The following LRRCC1 variants were observed in gnomAD, a reference collection of about 807,000 sequenced individuals.
LRRCC1 encodes leucine-rich repeat and coiled-coil domain-containing protein 1.
LRRCC1 carries 115 observed loss-of-function variants against 126.0 expected under a neutral mutation model. That is an observed-to-expected ratio of 0.91 (90% CI 0.78 to 1.07). The LOEUF (loss-of-function observed/expected upper bound fraction) is 1.07. Among genes scored for constraint, LRRCC1 ranks in the 50% least tolerant of loss-of-function variants. The pLI is 0.00. For missense variants in LRRCC1, 1,172 were observed against 1,175.7 expected, an observed-to-expected ratio of 1.00 and a Z score of 0.05; for synonymous variants, 400 against 393.4, an observed-to-expected ratio of 1.02 and a Z score of -0.20.
Position 85,113,161 on chromosome 8 carries a change from T to G in LRRCC1, c.544+62T>G, listed in dbSNP as rs935920287. The stretch of plus-strand genomic sequence containing the variant: ...AATATTGAGAGCTTCTTTATTTTCC[T>G]GAAATTGGCATTCGTGACCTCATTT... On this transcript the variant is annotated intron_variant, in intron 4 of 18. Coordinates refer to ENST00000360375, the MANE Select transcript of LRRCC1 (RefSeq NM_033402.5). The G allele has an allele frequency of 4.5e-6, 6 of 1,338,116 alleles. No homozygotes were observed. In the Admixed American group the frequency reaches 1.3e-4, roughly 30 times the overall value. 82.9% of individuals were successfully genotyped at this position (1,338,116 alleles called of 1,614,324 possible). A position where few individuals can be genotyped will look rare whatever the true frequency, so the allele number is the denominator to read the frequency against.
intron 12 of LRRCC1, among the ~76,000 whole-genome samples, chr8:85,133,481 G>T (rs575547501): frequency 6.6e-6 from 1 of 152,234 alleles, no homozygotes; most frequent in South Asian, 2.1e-4. Flanking sequence ...CGTTTTGCAA[G>T]AATTTTAAAC....
chr8:85,126,564 TA>T, intron 8 of LRRCC1, 124 bp from the exon 9 acceptor site: 1 of 803,986 alleles, frequency 1.2e-6, no homozygotes, highest in Non-Finnish European at 1.9e-6. Flanking sequence ...AAAAATAAAA[TA>T]AAAAGTTTCA....
At position 85,126,770 on chromosome 8, in the gene LRRCC1, G is replaced by C; in HGVS notation, c.1354G>C (p.Asp452His). The C allele has an allele frequency of 6.2e-7, 1 of 1,612,304 alleles. No individual in the cohort carries two copies. The highest frequency in any genetic ancestry group is 8.5e-7 in the Non-Finnish European group (1 of 1,179,114). ...CGAAAATAAACTCATGGATTATATT[G>C]ATGAGCTGCATAAACATGCAAATGA... Reference protein sequence around the residue: ...QAENKLMDYIDELHKHANEKE... With the variant: ...QAENKLMDYIHELHKHANEKE... The change falls in exon 9 of 19, where the codon GAT becomes CAT. Residue 452 changes from aspartate to histidine, a missense_variant. Physicochemically the swap from Asp to His is moderately conservative, Grantham distance 81. Transcript: ENST00000360375.
At position 85,112,929 on chromosome 8, in the gene LRRCC1, C is replaced by T. The variant is rs771904997; in HGVS notation, c.377-3C>T. Reference sequence around the variant, plus strand: ...CATTTAAAGAATTATGTTCCTATTGCAGGATTGATTCCCCTTCATGGAATT... The same window carrying T: ...CATTTAAAGAATTATGTTCCTATTGTAGGATTGATTCCCCTTCATGGAATT... On this transcript the variant is annotated splice_polypyrimidine_tract_variant and splice_region_variant and intron_variant, in intron 3 of 18. Transcript: ENST00000360375. The T allele has an allele frequency of 4.7e-5, 73 of 1,551,710 alleles. No individual in the cohort carries two copies. Among genetic ancestry groups the T allele is most frequent in the Non-Finnish European group, 6.1e-5 (70 of 1,146,510 alleles).
chr8:85,128,326 A>G (rs1810167704), intron 9 of LRRCC1, among the ~76,000 whole-genome samples: 1 of 152,064 alleles, frequency 6.6e-6, no homozygotes, highest in Non-Finnish European at 1.5e-5. Context: ...CTTTCTTCTT[A>G]CTTAACCTAT....
intron 12 of LRRCC1, among the ~76,000 whole-genome samples, chr8:85,133,271 T>G (rs1810617577): frequency 6.6e-6 from 1 of 152,196 alleles, no homozygotes; most frequent in African/African-American, 2.4e-5. Context: ...ACTCTTTCTT[T>G]GCTTGGTTTC....
intron 17 of LRRCC1, among the ~76,000 whole-genome samples, chr8:85,138,811 G>A (rs1315669954): frequency 1.3e-5 from 2 of 152,134 alleles, no homozygotes; most frequent in East Asian, 3.9e-4. Flanking sequence ...TTGGGAGGCC[G>A]AGGTGGGTGG....
intron 1 of LRRCC1, chr8:85,107,606 G>A (rs558326878): frequency 3.1e-4 from 142 of 464,456 alleles, no homozygotes; most frequent in African/African-American, 2.2e-3. Flanking sequence ...TCCCGCCCGT[G>A]TCTCCTGCCC....
At chr8:85,126,395 A>C (rs1475425123) in intron 8 of LRRCC1, among the ~76,000 whole-genome samples, 1 of 151,994 alleles carries the variant, frequency 6.6e-6, no homozygotes, top group African/African-American at 2.4e-5. Flanking sequence ...CATCTCTACT[A>C]AAAATACAAA....
chr8:85,112,717 C>T (rs1808817900), intron 3 of LRRCC1, among the ~76,000 whole-genome samples: 1 of 152,182 alleles, frequency 6.6e-6, no homozygotes, highest in Non-Finnish European at 1.5e-5. Context: ...GCCCAGGAAC[C>T]TCAGGGACTA....
At chr8:85,137,688 A>C in intron 15 of LRRCC1, 61 bp downstream of exon 15, 1 of 1,169,916 alleles carries the variant, frequency 8.5e-7, no homozygotes, top group Non-Finnish European at 1.1e-6. Flanking sequence ...TCTTTGGATC[A>C]AAGTATCCAA....
intron 18 of LRRCC1, 90 bp downstream of exon 18, chr8:85,141,607 G>C: frequency 9.8e-7 from 1 of 1,020,990 alleles, no homozygotes; most frequent in South Asian, 1.8e-5. Context: ...AAGAGAAAAG[G>C]CAACATGATC....
intron 9 of LRRCC1, among the ~76,000 whole-genome samples, chr8:85,127,042 A>C (rs1417887640): frequency 6.6e-6 from 1 of 152,180 alleles, no homozygotes; most frequent in Non-Finnish European, 1.5e-5. Context: ...TTGAGCCCTC[A>C]AGCAGGAAGG....
chr8:85,113,139 A>G, intron 4 of LRRCC1, 40 bp downstream of exon 4: 1 of 1,479,414 alleles, frequency 6.8e-7, no homozygotes, highest in Non-Finnish European at 9.2e-7. Context: ...AACAGTTAAT[A>G]TTGAGAGCTT....
At position 85,137,475 on chromosome 8, in the gene LRRCC1, G is replaced by A; in HGVS notation, c.2341G>A (p.Ala781Thr). ...HELAQQGSSLAQNRGKLEAQI... is the reference protein window; with the variant it reads ...HELAQQGSSLTQNRGKLEAQI... ...TTTTTGTTTCTTAGGATCTTCTCTA[G>A]CCCAAAATCGTGGAAAATTGGAGGC... The change falls in exon 15 of 19, where the codon GCC (alanine) becomes ACC (threonine). Residue 781 changes from alanine to threonine, a missense_variant. Coordinates refer to ENST00000360375, the MANE Select transcript of LRRCC1 (RefSeq NM_033402.5). The A allele has an allele frequency of 6.4e-7, 1 of 1,558,832 alleles. No individual in the cohort carries two copies. The highest frequency in any genetic ancestry group is 8.6e-7 in the Non-Finnish European group (1 of 1,160,722).
chr8:85,116,002 G>A (rs1299866376), intron 6 of LRRCC1, among the ~76,000 whole-genome samples: 1 of 152,170 alleles, frequency 6.6e-6, no homozygotes, highest in Non-Finnish European at 1.5e-5. Context: ...TAAATGGCAG[G>A]TTAATTTACA....
At chr8:85,119,289 C>T (rs1809343464) in intron 6 of LRRCC1, among the ~76,000 whole-genome samples, 3 of 152,070 alleles carry the variant, frequency 2.0e-5, no homozygotes, top group Admixed American at 6.6e-5. Context: ...TAATGAAAAT[C>T]TCTTTCATTA....
intron 18 of LRRCC1, among the ~76,000 whole-genome samples, chr8:85,143,469 C>T (rs538224213): frequency 9.2e-5 from 14 of 152,058 alleles, no homozygotes; most frequent in East Asian, 5.8e-4. Flanking sequence ...AAGACCTTGT[C>T]GCTACAAAAA....
chr8:85,139,425 C>T (rs146699908), intron 17 of LRRCC1, among the ~76,000 whole-genome samples: 190 of 152,218 alleles, frequency 1.2e-3, no homozygotes, highest in African/African-American at 4.4e-3. Flanking sequence ...CCACAACGCC[C>T]AGCTAATTTT....
Sources: gnomAD v4.1 joint callset for allele counts (sites outside exome capture counted in the v4.1 genomes callset) on GRCh38, gnomAD v4.1.1 for gene constraint, MANE v1.5 for transcripts, NCBI Gene and HGNC (gene_info 2026-07-23, HGNC 2026-07-21) for gene names.